CFAP54: variants seen among roughly 807,000 people sequenced by gnomAD.
CFAP54 encodes the protein cilia- and flagella-associated protein 54.
Under a neutral mutation model 370.4 loss-of-function variants are expected in CFAP54, and 290 were observed. That is an observed-to-expected ratio of 0.78 (90% confidence interval 0.71 to 0.86). CFAP54 has a LOEUF of 0.86. CFAP54 is among the 40% of genes least tolerant of loss of function. The pLI, the probability that CFAP54 is intolerant of heterozygous loss-of-function variation, is 0.00. For missense variants in CFAP54, 3,399 were observed against 3,528.7 expected, an observed-to-expected ratio of 0.96 and a Z score of 0.93; for synonymous variants, 1,206 against 1,236.5, an observed-to-expected ratio of 0.98 and a Z score of 0.52.
At position 96,784,769 on chromosome 12, in the gene CFAP54, T is replaced by A; in HGVS notation, c.8334T>A (p.Asp2778Glu). ...QTSCTFLYQN[D>E]DVCDSADGRK... ...CCTGTACATTTTTGTACCAAAATGATGATGTGTGTGACAGCGCAGATGGTA... is the reference window on the plus strand; with the variant it reads ...CCTGTACATTTTTGTACCAAAATGAAGATGTGTGTGACAGCGCAGATGGTA... The change falls in exon 61 of 68, where the codon GAT becomes GAA. Residue 2778 changes from aspartate to glutamate, a missense_variant. Physicochemically the swap from Asp to Glu is conservative, Grantham distance 45. Around this residue, in one of 3 missense-constraint regions of CFAP54, gnomAD observed 2,796 missense variants for 2,869.7 expected, o/e 0.97. Transcript: ENST00000524981. 6.5e-7 allele frequency: 1 copy of A among 1,533,704 alleles called. No individual in the cohort carries two copies. The highest frequency in any genetic ancestry group is 8.7e-7 in the Non-Finnish European group (1 of 1,145,776).
chr12:96,718,141 T>G (rs1034245061), intron 48 of CFAP54, among the ~76,000 whole-genome samples: 2 of 151,818 alleles, frequency 1.3e-5, no homozygotes, highest in African/African-American at 2.4e-5. Flanking sequence ...GGCAGATCAC[T>G]TGAGCTCAGG....
chr12:96,689,776 A>T (rs1014970882), intron 43 of CFAP54, among the ~76,000 whole-genome samples: 41 of 152,190 alleles, frequency 2.7e-4, no homozygotes, highest in African/African-American at 9.2e-4. Context: ...GAAATACAAG[A>T]CATTTTGAAA....
At chr12:96,868,024 C>A (rs1478730392) in intron 67 of CFAP54, among the ~76,000 whole-genome samples, 1 of 152,092 alleles carries the variant, frequency 6.6e-6, no homozygotes, top group Non-Finnish European at 1.5e-5. Context: ...TAAATATATA[C>A]AATTTTTATT....
intron 26 of CFAP54, among the ~76,000 whole-genome samples, chr12:96,602,995 C>T (rs1024279997): frequency 3.9e-5 from 6 of 152,138 alleles, no homozygotes; most frequent in African/African-American, 7.2e-5. Context: ...TTGATCATGT[C>T]GTTACAATGC....
At chr12:96,854,495 G>A (rs1959645078) in intron 66 of CFAP54, among the ~76,000 whole-genome samples, 1 of 152,060 alleles carries the variant, frequency 6.6e-6, no homozygotes, top group African/African-American at 2.4e-5. Flanking sequence ...AATGGCATAT[G>A]ACTAAAAAAC....
At chr12:96,598,046 G>A (rs565251537) in intron 25 of CFAP54, among the ~76,000 whole-genome samples, 1 of 151,812 alleles carries the variant, frequency 6.6e-6, no homozygotes, top group South Asian at 2.1e-4. Context: ...ATATTAATTT[G>A]TCCTTTGGGT....
chr12:96,669,639 G>C (rs145782243), intron 39 of CFAP54, among the ~76,000 whole-genome samples: 1 of 152,222 alleles, frequency 6.6e-6, no homozygotes, highest in Admixed American at 6.5e-5. Context: ...TAGCCAGATG[G>C]ATGATGATGC....
chr12:96,681,013 G>A (rs1957263064), intron 40 of CFAP54, among the ~76,000 whole-genome samples: 1 of 151,956 alleles, frequency 6.6e-6, no homozygotes, highest in African/African-American at 2.4e-5. Context: ...AACCGGCGGG[G>A]CAGAGGTTGC....
chr12:96,720,319 G>A (rs1957733504), intron 49 of CFAP54, 86 bp from the exon 50 acceptor site: 2 of 1,148,860 alleles, frequency 1.7e-6, no homozygotes, highest in Non-Finnish European at 2.3e-6. Flanking sequence ...TTACTTTTCA[G>A]TACATGAAAA....
chr12:96,648,274 C>G (rs367553898), intron 34 of CFAP54, among the ~76,000 whole-genome samples: 1 of 152,228 alleles, frequency 6.6e-6, no homozygotes, highest in African/African-American at 2.4e-5. Flanking sequence ...TTAGATTGTT[C>G]AGCAAATATA....
At chr12:96,556,403 T>C (rs1344986456) in intron 17 of CFAP54, among the ~76,000 whole-genome samples, 5 of 152,114 alleles carry the variant, frequency 3.3e-5, no homozygotes, top group Non-Finnish European at 7.4e-5. Context: ...TTTCTTTTTT[T>C]TTCAAATTAA....
At chr12:96,571,034 C>T (rs1004115450) in intron 19 of CFAP54, among the ~76,000 whole-genome samples, 3 of 151,988 alleles carry the variant, frequency 2.0e-5, no homozygotes, top group South Asian at 2.1e-4. Flanking sequence ...CAGAATATAC[C>T]TCAGGGAGGT....
intron 1 of CFAP54, among the ~76,000 whole-genome samples, chr12:96,498,643 C>A (rs1427171803): frequency 1.5e-4 from 23 of 152,172 alleles, no homozygotes; most frequent in Non-Finnish European, 3.4e-4. Flanking sequence ...CAGAGTGAGA[C>A]TCCATCTCAA....
intron 4 of CFAP54, among the ~76,000 whole-genome samples, chr12:96,512,301 T>TATATATATATA (rs1955178631): frequency 3.2e-5 from 1 of 31,120 alleles, no homozygotes; most frequent in East Asian, 1.3e-3. Context: ...GGAACCAATT[T>TATATATATATA]TATATATATA....
chr12:96,788,912 A>G (rs1721398336), intron 62 of CFAP54, among the ~76,000 whole-genome samples: 1 of 152,198 alleles, frequency 6.6e-6, no homozygotes, highest in African/African-American at 2.4e-5. Context: ...TGGCATGCCC[A>G]ATGCTCAGCA....
intron 12 of CFAP54, among the ~76,000 whole-genome samples, chr12:96,538,070 G>A (rs1338997260): frequency 1.4e-5 from 2 of 146,816 alleles, no homozygotes; most frequent in Admixed American, 1.4e-4. Context: ...TCCAGCCTGA[G>A]TGACAGAGTG....
intron 64 of CFAP54, among the ~76,000 whole-genome samples, chr12:96,815,393 A>G (rs1187656564): frequency 1.6e-5 from 2 of 122,500 alleles, no homozygotes; most frequent in Admixed American, 1.6e-4. Flanking sequence ...CTACTCTTTG[A>G]TGGGGTTGTT....
intron 63 of CFAP54, among the ~76,000 whole-genome samples, chr12:96,803,776 C>A (rs1320789867): frequency 3.9e-5 from 6 of 152,116 alleles, no homozygotes; most frequent in African/African-American, 1.2e-4. Context: ...AAAATTGGAA[C>A]AAGTAACTGC....
intron 40 of CFAP54, chr12:96,682,101 A>G (rs1957279997): frequency 4.3e-6 from 4 of 920,736 alleles, no homozygotes; most frequent in Non-Finnish European, 5.2e-6. Flanking sequence ...TTCTTTCTAC[A>G]TTTTAAATTG....
Sources: allele counts gnomAD v4.1 joint callset (sites outside exome capture counted in the v4.1 genomes callset), GRCh38; gene constraint gnomAD v4.1.1; regional missense constraint gnomAD v4.1.1; transcripts MANE v1.5; gene names NCBI Gene and HGNC (gene_info 2026-07-23, HGNC 2026-07-21).